Variants in C7orf78 observed in about 807,000 individuals in gnomAD.
C7orf78 encodes the protein chromosome 7 open reading frame 78, also known as putative uncharacterized protein C7orf78.
the C7orf78 span, among the ~76,000 whole-genome samples, chr7:12,518,307 A>G: frequency 6.6e-6 from 1 of 152,246 alleles, no homozygotes; most frequent in African/African-American, 2.4e-5. Flanking sequence ...GTATGCTGGC[A>G]CTGGTGTTAG....
At chr7:12,519,980 C>T in the C7orf78 span, among the ~76,000 whole-genome samples, 1 of 152,146 alleles carries the variant, frequency 6.6e-6, no homozygotes, top group African/African-American at 2.4e-5. Context: ...TGGTACAATG[C>T]CCTCATTGGG....
At chr7:12,499,676 CAGAA>C in the C7orf78 span, among the ~76,000 whole-genome samples, 1 of 151,826 alleles carries the variant, frequency 6.6e-6, no homozygotes, top group Non-Finnish European at 1.5e-5. Flanking sequence ...ATCAAGGAAA[CAGAA>C]AGTCAACAAG....
chr7:12,487,082 T>G, the C7orf78 span: 1 of 152,048 alleles, frequency 6.6e-6, no homozygotes, highest in African/African-American at 2.4e-5. Context: ...GTAAGTTACC[T>G]AACATCTCAA....
the C7orf78 span, chr7:12,505,927 A>G: frequency 6.6e-6 from 1 of 152,216 alleles, no homozygotes; most frequent in Non-Finnish European, 1.5e-5. Context: ...ATGTAATAAT[A>G]AATTCATAAT....
At chr7:12,524,433 T>C in the C7orf78 span, among the ~76,000 whole-genome samples, 2 of 152,322 alleles carry the variant, frequency 1.3e-5, no homozygotes, top group African/African-American at 4.8e-5. Flanking sequence ...AAATAATATA[T>C]GTTACCTTTT....
At chr7:12,532,204 A>C in the C7orf78 span, among the ~76,000 whole-genome samples, 1 of 152,246 alleles carries the variant, frequency 6.6e-6, no homozygotes, top group Non-Finnish European at 1.5e-5. Context: ...CTGCAGCTCA[A>C]TTTTACAGGC....
the C7orf78 span, among the ~76,000 whole-genome samples, chr7:12,523,756 T>C: frequency 6.6e-6 from 1 of 152,306 alleles, no homozygotes; most frequent in African/African-American, 2.4e-5. Flanking sequence ...GCCAGGAGTT[T>C]ATAACCTACT....
At chr7:12,514,292 A>G in the C7orf78 span, among the ~76,000 whole-genome samples, 1 of 152,066 alleles carries the variant, frequency 6.6e-6, no homozygotes, top group Non-Finnish European at 1.5e-5. Flanking sequence ...CCCCTTTACC[A>G]TTATATAACA....
At chr7:12,511,462 G>A in the C7orf78 span, among the ~76,000 whole-genome samples, 1 of 152,082 alleles carries the variant, frequency 6.6e-6, no homozygotes, top group Non-Finnish European at 1.5e-5. Context: ...GATTGCTTTG[G>A]CTAGTGTGGT....
chr7:12,508,785 T>C, the C7orf78 span, among the ~76,000 whole-genome samples: 1 of 152,124 alleles, frequency 6.6e-6, no homozygotes, highest in Admixed American at 6.5e-5. Context: ...GTCAGATCAG[T>C]GGTGGCATTA....
chr7:12,500,929 C>T, the C7orf78 span, among the ~76,000 whole-genome samples: 45 of 149,958 alleles, frequency 3.0e-4, 1 homozygote, highest in African/African-American at 1.0e-3. Context: ...GTTGAATATA[C>T]GCAAATCAAT....
At chr7:12,526,951 A>G in the C7orf78 span, among the ~76,000 whole-genome samples, 1 of 152,026 alleles carries the variant, frequency 6.6e-6, no homozygotes, top group South Asian at 2.1e-4. Flanking sequence ...CTTTCCTAGT[A>G]TATGCTATGT....
chr7:12,495,242 A>G, the C7orf78 span, among the ~76,000 whole-genome samples: 1 of 152,146 alleles, frequency 6.6e-6, no homozygotes, highest in African/African-American at 2.4e-5. Context: ...ATGAAAGTCT[A>G]TTCCCTATCC....
At chr7:12,506,118 C>G in the C7orf78 span, 3 of 152,176 alleles carry the variant, frequency 2.0e-5, no homozygotes, top group African/African-American at 7.2e-5. Context: ...GTTAGAATGG[C>G]GATCATTAAA....
the C7orf78 span, among the ~76,000 whole-genome samples, chr7:12,489,394 AGATT>A: frequency 6.6e-6 from 1 of 152,142 alleles, no homozygotes; most frequent in African/African-American, 2.4e-5. Flanking sequence ...CGGAAAACTG[AGATT>A]GATTGAACTT....
At chr7:12,513,617 T>C in the C7orf78 span, among the ~76,000 whole-genome samples, 29,023 of 152,222 alleles carry the variant, frequency 0.19, 2,898 homozygotes, top group East Asian at 0.32. Flanking sequence ...AAATACTTAA[T>C]ATAACTTCAG....
chr7:12,527,748 A>G, the C7orf78 span, among the ~76,000 whole-genome samples: 2 of 148,212 alleles, frequency 1.3e-5, no homozygotes, highest in East Asian at 2.0e-4. Context: ...AGTATATGCT[A>G]TGTGTCACTC....
chr7:12,523,672 A>G, the C7orf78 span, among the ~76,000 whole-genome samples: 2 of 152,238 alleles, frequency 1.3e-5, no homozygotes, highest in African/African-American at 4.8e-5. Flanking sequence ...CAAGTGGCCA[A>G]CTCTGAGATA....
At chr7:12,514,800 G>A in the C7orf78 span, among the ~76,000 whole-genome samples, 2 of 151,672 alleles carry the variant, frequency 1.3e-5, no homozygotes, top group Non-Finnish European at 2.9e-5. Context: ...AGCATTTTTT[G>A]TAGAACCAGT....
Sources: allele counts gnomAD v4.1 joint callset (sites outside exome capture counted in the v4.1 genomes callset), GRCh38; gene constraint gnomAD v4.1.1; transcripts MANE v1.5; gene names NCBI Gene and HGNC (gene_info 2026-07-23, HGNC 2026-07-21).